SYNE1: variants seen among roughly 807,000 people sequenced by gnomAD.
SYNE1 encodes the protein nesprin-1.
In SYNE1, 616 loss-of-function variants were observed where a neutral mutation model predicts 1,111.0. That is an observed-to-expected ratio of 0.55 (90% CI 0.52 to 0.59). The LOEUF (loss-of-function observed/expected upper bound fraction) is 0.59, where lower values mean the gene tolerates loss of function less well. Among genes scored for constraint, SYNE1 ranks in the 20% least tolerant of loss-of-function variants. The probability of loss-of-function intolerance (pLI) is 0.00; values close to 1 mark genes in which losing one functional copy is unlikely to be tolerated. For synonymous variants in SYNE1, 3,855 were observed against 3,825.8 expected (o/e 1.01, Z -0.28); for missense variants, 10,006 against 10,417.0 (o/e 0.96, Z 1.72).
chr6:152,358,031 C>T (rs1254066152), intron 66 of SYNE1, among the ~76,000 whole-genome samples: 1 of 152,218 alleles, frequency 6.6e-6, no homozygotes, highest in Non-Finnish European at 1.5e-5. Flanking sequence ...ATGACTTCTG[C>T]CGCTGTCCCC....
chr6:152,522,011 G>A (rs746914743), intron 5 of SYNE1, among the ~76,000 whole-genome samples: 3 of 151,924 alleles, frequency 2.0e-5, no homozygotes, highest in Non-Finnish European at 4.4e-5. Flanking sequence ...TTTAATTTTT[G>A]TATAGGCCAT....
intron 40 of SYNE1, among the ~76,000 whole-genome samples, chr6:152,417,684 T>C (rs2098184136): frequency 6.6e-6 from 1 of 152,194 alleles, no homozygotes; most frequent in South Asian, 2.1e-4. Context: ...CATATATGTA[T>C]ACATTTATAT....
chr6:152,366,375 T>C (rs925176441), intron 62 of SYNE1, among the ~76,000 whole-genome samples: 1 of 150,334 alleles, frequency 6.7e-6, no homozygotes. Context: ...AAAAACTTGG[T>C]TTATAGCAGG....
In SYNE1 at chr6:152,352,130, T is replaced by C. The variant is rs76410834; in HGVS notation, c.11477A>G (p.Lys3826Arg). The change falls in exon 70 of 146, where the codon AAA (lysine) becomes AGA (arginine). Residue 3826 changes from lysine (K) to arginine (R), a missense_variant. By Grantham distance (26) the Lys-to-Arg change is conservative. Transcript: ENST00000367255. ...TTCTGCTATCCACTGTGTCAGTGCTTTGCATTTATCTGAGAATTCCTTTGC... is the reference window on the plus strand; with the variant it reads ...TTCTGCTATCCACTGTGTCAGTGCTCTGCATTTATCTGAGAATTCCTTTGC... Reference protein sequence around the residue: ...HLAKEFSDKCKALTQWIAEYQ... With the variant: ...HLAKEFSDKCRALTQWIAEYQ... The C allele has an allele frequency of 3.1e-4, 507 of 1,614,230 alleles. 4 individuals are homozygous for C. In the East Asian group the frequency reaches 0.011, roughly 35 times the overall value.
At chr6:152,261,025 T>C (rs931129263) in intron 101 of SYNE1, among the ~76,000 whole-genome samples, 1 of 152,186 alleles carries the variant, frequency 6.6e-6, no homozygotes, top group Non-Finnish European at 1.5e-5. Context: ...TTGCGCCTGC[T>C]TTCTAATGCC....
chr6:152,555,878 C>A (rs1595289618), intron 3 of SYNE1, among the ~76,000 whole-genome samples: 1 of 151,950 alleles, frequency 6.6e-6, no homozygotes, highest in East Asian at 1.9e-4. Context: ...TGTAGAAAAA[C>A]CAGAATAAAA....
At position 152,155,987 on chromosome 6, in the gene SYNE1, G is replaced by A. The variant is rs755497570; in HGVS notation, c.23901C>T (p.Asp7967=). Reference sequence around the variant, plus strand: ...GGTTTCTCGTAGCCTGCTGTATAGAGTCACACTCGGCATCAGTGGCACAGG... The same window carrying A: ...GGTTTCTCGTAGCCTGCTGTATAGAATCACACTCGGCATCAGTGGCACAGG... ...CDACATDAEC[D]SIQQATRNLD... is the part of the protein sequence containing the mutation. Residue 7967 remains aspartate (D), a synonymous_variant, in exon 132 of 146, where the codon GAC becomes GAT. Coordinates refer to ENST00000367255, the MANE Select transcript of SYNE1 (RefSeq NM_182961.4). The A allele has an allele frequency of 8.1e-6, 13 of 1,614,154 alleles. No individual in the cohort carries two copies. Among genetic ancestry groups the A allele is most frequent in the Non-Finnish European group, 1.1e-5 (13 of 1,180,024 alleles).
At chr6:152,145,876 T>C (rs967218426) in intron 137 of SYNE1, 12 of 355,360 alleles carry the variant, frequency 3.4e-5, no homozygotes, top group Admixed American at 7.6e-5. Flanking sequence ...AATACAAAAA[T>C]TAGCCAGGTG....
At chr6:152,449,001 G>T in intron 28 of SYNE1, among the ~76,000 whole-genome samples, 1 of 152,216 alleles carries the variant, frequency 6.6e-6, no homozygotes, top group Non-Finnish European at 1.5e-5. Flanking sequence ...AAGAGTGAGA[G>T]AGTGCCATTT....
At chr6:152,577,403 C>A (rs757420582) in intron 3 of SYNE1, among the ~76,000 whole-genome samples, 1 of 152,052 alleles carries the variant, frequency 6.6e-6, no homozygotes, top group African/African-American at 2.4e-5. Flanking sequence ...GAGGCCGAGG[C>A]GGGTGGATCA....
chr6:152,627,514 C>T (rs1273227839), intron 3 of SYNE1, among the ~76,000 whole-genome samples: 2 of 150,318 alleles, frequency 1.3e-5, no homozygotes, highest in African/African-American at 2.4e-5. Context: ...AAAAATTAGC[C>T]GGGCATGGTG....
At chr6:152,512,998 G>A (rs1308811218) in intron 6 of SYNE1, among the ~76,000 whole-genome samples, 1 of 152,134 alleles carries the variant, frequency 6.6e-6, no homozygotes, top group Non-Finnish European at 1.5e-5. Context: ...CAGAGTCGCA[G>A]CAAGCACGTC....
chr6:152,511,212 A>G lies in SYNE1; in HGVS notation c.310-109T>C, dbSNP rs1056139126. The G allele has an allele frequency of 5.9e-5, 57 of 962,894 alleles. No individual in the cohort carries two copies. In the African/African-American group the frequency reaches 9.0e-4, roughly 15 times the overall value. The allele number at this position is 962,894 out of a possible 1,614,324, so 59.6% of individuals were successfully genotyped here. On this transcript the variant is annotated intron_variant, in intron 6 of 145. Transcript: ENST00000367255. ...ACATCAATAAGATTTGATCATGCCT[A>G]TGTAATAGTACATGGGAGTAAGTAG...
chr6:152,139,737 GAAAGAA>G (rs2152794760), intron 140 of SYNE1, among the ~76,000 whole-genome samples: 1 of 144,962 alleles, frequency 6.9e-6, no homozygotes, highest in Non-Finnish European at 1.5e-5. Flanking sequence ...AAGAAAGAAA[GAAAGAA>G]AGAAAGAAAA....
chr6:152,354,795 A>G lies in SYNE1; in HGVS notation c.10790T>C (p.Val3597Ala), dbSNP rs1392669592. The change falls in exon 67 of 146, where the codon GTG (valine) becomes GCG (alanine). Residue 3597 changes from valine to alanine, a missense_variant. By Grantham distance (64) the Val-to-Ala change is moderately conservative. This residue lies in a region of SYNE1 where 4,955 missense variants were observed against 5,017.2 expected (regional missense o/e 0.99). Coordinates refer to ENST00000367255, the MANE Select transcript of SYNE1 (RefSeq NM_182961.4). Reference sequence around the variant, plus strand: ...TTGCTCCATTAGCCTCAATTTGTTCACCACGTTATTGAACTGAGTTCGAGT... The same window carrying G: ...TTGCTCCATTAGCCTCAATTTGTTCGCCACGTTATTGAACTGAGTTCGAGT... ...SETRTQFNNV[V>A]NKLRLMEQKF... 2 of 1,613,892 alleles carry G rather than the reference A, an allele frequency of 1.2e-6. No homozygotes were observed. Among genetic ancestry groups the G allele is most frequent in the Admixed American group, 3.3e-5 (2 of 59,980 alleles).
chr6:152,494,892 T>A (rs908976149), intron 11 of SYNE1, among the ~76,000 whole-genome samples: 1 of 152,146 alleles, frequency 6.6e-6, no homozygotes, highest in Admixed American at 6.5e-5. Context: ...CCTACTTATG[T>A]CCCTCATGGC....
intron 4 of SYNE1, among the ~76,000 whole-genome samples, chr6:152,537,776 T>C (rs1232763593): frequency 6.6e-6 from 1 of 152,206 alleles, no homozygotes; most frequent in Non-Finnish European, 1.5e-5. Context: ...TTCTCCTGCC[T>C]GATTGCCTAA....
At chr6:152,191,346 A>G (rs567113434) in intron 127 of SYNE1, among the ~76,000 whole-genome samples, 2 of 151,402 alleles carry the variant, frequency 1.3e-5, no homozygotes, top group East Asian at 3.9e-4. Flanking sequence ...GAATAGATTG[A>G]GTAGGATTGG....
At chr6:152,323,427 A>C (rs2095943731) in intron 82 of SYNE1, 51 bp downstream of exon 82, 2 of 1,600,176 alleles carry the variant, frequency 1.2e-6, no homozygotes, top group Non-Finnish European at 1.7e-6. Flanking sequence ...CGACAGAGCG[A>C]GACTCCAAAC....
Sources: gnomAD v4.1 joint callset for allele counts (sites outside exome capture counted in the v4.1 genomes callset) on GRCh38, gnomAD v4.1.1 for gene constraint, gnomAD v4.1.1 regional missense constraint, MANE v1.5 for transcripts, NCBI Gene and HGNC (gene_info 2026-07-23, HGNC 2026-07-21) for gene names.